CXCR4: variants seen among roughly 807,000 people sequenced by gnomAD.
CXCR4 encodes C-X-C motif chemokine receptor 4.
Under a neutral mutation model 22.4 loss-of-function variants are expected in CXCR4, and 6 were observed. The ratio of observed to expected loss-of-function variants is 0.27; its 90% CI spans 0.15 to 0.53. The LOEUF is 0.53. Ranked by LOEUF, CXCR4 falls within the 20% of genes least tolerant of loss-of-function variation. CXCR4 has a pLI of 0.96. For missense variants in CXCR4, 300 were observed against 430.4 expected (o/e 0.70, Z 2.68); for synonymous variants, 155 against 171.7 (o/e 0.90, Z 0.76).
In CXCR4 at chr2:136,115,342, C is replaced by T. The variant is rs748098105; in HGVS notation, c.586G>A (p.Val196Met). 1.2e-5 allele frequency: 19 copies of T among 1,614,162 alleles called. No individual in the cohort carries two copies. The highest frequency in any genetic ancestry group is 1.4e-5 in the Non-Finnish European group (17 of 1,180,040). The change falls in exon 2 of 2, where the codon GTG becomes ATG. Residue 196 changes from valine to methionine, a missense_variant. Val to Met is a conservative substitution (Grantham distance 21). Coordinates refer to ENST00000241393, the MANE Select transcript of CXCR4 (RefSeq NM_003467.3). The surrounding 1 kb of genome is among the most constrained non-coding windows in gnomAD (Gnocchi z 6.4). ...CDRFYPNDLW[V>M]VVFQFQHIMV... ...ATGTGCTGAAACTGGAACACAACCA[C>T]CCACAAGTCATTGGGGTAGAAGCGG...
Position 136,114,835 on chromosome 2 carries a change from T to C in CXCR4, c.*34A>G. 1 of 1,548,972 alleles carries C rather than the reference T, an allele frequency of 6.5e-7. No homozygotes were observed. Among genetic ancestry groups the C allele is most frequent in the Non-Finnish European group, 8.8e-7 (1 of 1,140,042 alleles). On this transcript the variant is annotated 3_prime_UTR_variant, in exon 2 of 2. Coordinates refer to ENST00000241393, the MANE Select transcript of CXCR4 (RefSeq NM_003467.3). ...AAATGTGTAACTTAAAAAAAAGTTA[T>C]TTATCGTATAAAAAAAAGTCTTTTA...
chr2:136,118,113 G>T lies in CXCR4; in HGVS notation c.-53C>A, dbSNP rs898627847. 7.5e-6 allele frequency: 12 copies of T among 1,595,926 alleles called. No homozygotes were observed. The highest frequency in any genetic ancestry group is 6.7e-5 in the African/African-American group (5 of 74,504). Reference sequence around the variant, plus strand: ...GGCTACTGGAGCACTCAGGCCCTCGGCGTCACTTTGCTACCTGCTGCCGCA... The same window carrying T: ...GGCTACTGGAGCACTCAGGCCCTCGTCGTCACTTTGCTACCTGCTGCCGCA... On this transcript the variant is annotated 5_prime_UTR_variant, in exon 1 of 2. Coordinates refer to ENST00000241393, the MANE Select transcript of CXCR4 (RefSeq NM_003467.3).
chr2:136,116,299 G>C (rs906112228), intron 1 of CXCR4: 1 of 1,082,634 alleles, frequency 9.2e-7, no homozygotes, highest in Non-Finnish European at 1.2e-6. Flanking sequence ...CAGGCGGCGT[G>C]GGGGGTGGGG....
At position 136,115,206 on chromosome 2, in the gene CXCR4, G is replaced by C; in HGVS notation, c.722C>G (p.Thr241Arg). 6.2e-7 allele frequency: 1 copy of C among 1,614,090 alleles called. No homozygotes were observed. Among genetic ancestry groups the C allele is most frequent in the Non-Finnish European group, 8.5e-7 (1 of 1,180,012 alleles). Reference protein sequence around the residue: ...GHQKRKALKTTVILILAFFAC... With the variant: ...GHQKRKALKTRVILILAFFAC... ...GAAGAAAGCCAGGATGAGGATGACT[G>C]TGGTCTTGAGGGCCTTGCGCTTCTG... The change falls in exon 2 of 2, where the codon ACA (threonine) becomes AGA (arginine). Residue 241 changes from threonine to arginine, a missense_variant. Thr to Arg is a moderately conservative substitution (Grantham distance 71, BLOSUM62 -1). Around this residue, in one of 3 missense-constraint regions of CXCR4, gnomAD observed 137 missense variants for 153.2 expected, o/e 0.89. Coordinates refer to ENST00000241393, the MANE Select transcript of CXCR4 (RefSeq NM_003467.3). The surrounding 1 kb of genome is among the most constrained non-coding windows in gnomAD (Gnocchi z 6.4).
intron 1 of CXCR4, chr2:136,116,185 T>A: frequency 7.4e-7 from 1 of 1,358,830 alleles, no homozygotes; most frequent in Non-Finnish European, 9.6e-7. Context: ...ACGCTGAGGG[T>A]TTCAAAGTCA....
In CXCR4 at chr2:136,118,144, C is replaced by A; in HGVS notation, c.-84G>T. 1 of 1,426,296 alleles carries A rather than the reference C, an allele frequency of 7.0e-7. No homozygotes were observed. 88.4% of individuals were successfully genotyped at this position (1,426,296 alleles called of 1,614,324 possible). On this transcript the variant is annotated 5_prime_UTR_variant, in exon 1 of 2. Transcript: ENST00000241393. ...CTTTGCTACCTGCTGCCGCAGCCAA[C>A]AAACTGAAGTTTCTGGCCGCGGCCG...
rs561155814 is a variant in CXCR4, at chr2:136,115,971, T to TA, written c.16-60dup. ...CCAATTCAGCAAGCATTAACCCAGTTAAAAAAAATTTTTAAAGCAATTTAA... is the reference window on the plus strand; with the variant it reads ...CCAATTCAGCAAGCATTAACCCAGTTAAAAAAAAATTTTTAAAGCAATTTAA... On this transcript the variant is annotated intron_variant, in intron 1 of 1. Coordinates refer to ENST00000241393, the MANE Select transcript of CXCR4 (RefSeq NM_003467.3). This position sits in a 1 kb window ranked among gnomAD's most constrained non-coding sequence, Gnocchi z 6.4. 3 of 1,613,180 alleles carry TA rather than the reference T, an allele frequency of 1.9e-6. No homozygotes were observed. The highest frequency in any genetic ancestry group is 4.5e-5 in the East Asian group (2 of 44,882).
intron 1 of CXCR4, chr2:136,117,618 T>G (rs1684948493): frequency 6.0e-6 from 1 of 167,582 alleles, no homozygotes; most frequent in Admixed American, 6.4e-5. Flanking sequence ...CACGCCGCCC[T>G]CCGCCTCTAA....
intron 1 of CXCR4, among the ~76,000 whole-genome samples, chr2:136,117,122 T>G (rs17848385): frequency 0.053 from 8,096 of 152,278 alleles, 351 homozygotes; most frequent in Non-Finnish European, 0.079. Flanking sequence ...TTTCCCCACT[T>G]GCACCTGCCA....
In CXCR4 at chr2:136,115,810, A is replaced by C; in HGVS notation, c.118T>G (p.Phe40Val). ...ATGATGGAGTAGATGGTGGGCAGGA[A>C]GATTTTATTGAAATTAGCATTTTCT... Reference protein sequence around the residue: ...REENANFNKIFLPTIYSIIFL... With the variant: ...REENANFNKIVLPTIYSIIFL... The change falls in exon 2 of 2, where the codon TTC becomes GTC. Residue 40 changes from phenylalanine (F) to valine (V), a missense_variant. By Grantham distance (50) the Phe-to-Val change is conservative (BLOSUM62 -1). Coordinates refer to ENST00000241393, the MANE Select transcript of CXCR4 (RefSeq NM_003467.3). This position sits in a 1 kb window ranked among gnomAD's most constrained non-coding sequence, Gnocchi z 6.4. The C allele has an allele frequency of 6.2e-7, 1 of 1,614,198 alleles. No individual in the cohort carries two copies. Among genetic ancestry groups the C allele is most frequent in the Non-Finnish European group, 8.5e-7 (1 of 1,180,034 alleles).
At chr2:136,116,248 C>T (rs1410208616) in intron 1 of CXCR4, 6 of 1,205,954 alleles carry the variant, frequency 5.0e-6, no homozygotes, top group African/African-American at 1.6e-5. Context: ...AAAAAACCTT[C>T]CTTAGGAGGA....
rs1684859260 is a variant in CXCR4 at position 136,115,478 on chromosome 2, C to T, written c.450G>A (p.Leu150=). The T allele has an allele frequency of 1.9e-6, 3 of 1,614,230 alleles. No individual in the cohort carries two copies. The East Asian group carries it at 6.7e-5, about 36-fold the overall frequency. Residue 150 remains leucine, a synonymous_variant, in exon 2 of 2, where the codon CTG becomes CTA. Coordinates refer to ENST00000241393, the MANE Select transcript of CXCR4 (RefSeq NM_003467.3). This position sits in a 1 kb window ranked among gnomAD's most constrained non-coding sequence, Gnocchi z 6.4. ...CAACATAGACCACCTTTTCAGCCAA[C>T]AGCTTCCTTGGCCTCTGACTGTTGG... ...HATNSQRPRK[L]LAEKVVYVGV...
intron 1 of CXCR4, among the ~76,000 whole-genome samples, chr2:136,116,607 C>CGCTCCTCCG (rs977604646): frequency 6.6e-6 from 1 of 152,144 alleles, no homozygotes; most frequent in African/African-American, 2.4e-5. Flanking sequence ...CCCAAGCGGG[C>CGCTCCTCCG]GCTCCTCCGG....
Position 136,114,495 on chromosome 2 carries a change from C to T in CXCR4, c.*374G>A, listed in dbSNP as rs1430125097. ...TAAGTGCCATCTTCTACAGCAAAAT[C>T]ACGTCTTAAGAACAGGAAAAACGTT... On this transcript the variant is annotated 3_prime_UTR_variant, in exon 2 of 2. Coordinates refer to ENST00000241393, the MANE Select transcript of CXCR4 (RefSeq NM_003467.3). The T allele has an allele frequency of 4.0e-6, 1 of 247,298 alleles. No individual in the cohort carries two copies. Among genetic ancestry groups the T allele is most frequent in the Non-Finnish European group, 8.0e-6 (1 of 125,628 alleles). The allele number at this position is 247,298 out of a possible 1,614,324, so 15.3% of individuals were successfully genotyped here. A position where few individuals can be genotyped will look rare whatever the true frequency, so the allele number is the denominator to read the frequency against.
Position 136,115,219 on chromosome 2 carries a change from C to T in CXCR4, c.709G>A (p.Ala237Thr), listed in dbSNP as rs1281519417. 6.2e-7 allele frequency: 1 copy of T among 1,614,144 alleles called. No individual in the cohort carries two copies. The highest frequency in any genetic ancestry group is 1.7e-5 in the Admixed American group (1 of 60,022). Residue 237 changes from alanine to threonine, a missense_variant, in exon 2 of 2, where the codon GCC becomes ACC. By Grantham distance (58) the Ala-to-Thr change is moderately conservative. This residue lies in a region of CXCR4 where 137 missense variants were observed against 153.2 expected (regional missense o/e 0.89). Transcript: ENST00000241393. This position sits in a 1 kb window ranked among gnomAD's most constrained non-coding sequence, Gnocchi z 6.4. The part of the protein sequence containing the change: ...SHSKGHQKRK[A>T]LKTTVILILA... ...ATGAGGATGACTGTGGTCTTGAGGG[C>T]CTTGCGCTTCTGGTGGCCCTTGGAG...
chr2:136,116,715 C>T (rs1684904801), intron 1 of CXCR4, among the ~76,000 whole-genome samples: 1 of 152,182 alleles, frequency 6.6e-6, no homozygotes, highest in Non-Finnish European at 1.5e-5. Context: ...ACGGGGTCTG[C>T]ACCCGTGGTC....
chr2:136,117,745 C>A (rs915880322), intron 1 of CXCR4: 5 of 400,750 alleles, frequency 1.2e-5, no homozygotes, highest in African/African-American at 8.4e-5. Flanking sequence ...AATGTTCTTA[C>A]GTTTGCAAAC....
rs1459517553 is a variant in CXCR4, at chr2:136,115,120, T to A, written c.808A>T (p.Ile270Phe). 5.0e-6 allele frequency: 8 copies of A among 1,614,198 alleles called. No homozygotes were observed. Among genetic ancestry groups the A allele is most frequent in the Non-Finnish European group, 6.8e-6 (8 of 1,180,048 alleles). The change falls in exon 2 of 2, where the codon ATC (isoleucine) becomes TTC (phenylalanine). Residue 270 changes from isoleucine to phenylalanine, a missense_variant. Ile to Phe is a conservative substitution (Grantham distance 21). This residue lies in a region of CXCR4 where 137 missense variants were observed against 153.2 expected (regional missense o/e 0.89). Transcript: ENST00000241393. The surrounding 1 kb of genome is among the most constrained non-coding windows in gnomAD (Gnocchi z 6.4). ...SIDSFILLEI[I>F]KQGCEFENTV... Reference sequence around the variant, plus strand: ...TTCTCAAACTCACACCCTTGCTTGATGATTTCCAGGAGGATGAAGGAGTCG... The same window carrying A: ...TTCTCAAACTCACACCCTTGCTTGAAGATTTCCAGGAGGATGAAGGAGTCG...
chr2:136,118,137 C>G lies in CXCR4; in HGVS notation c.-77G>C. Reference sequence around the variant, plus strand: ...GGCGTCACTTTGCTACCTGCTGCCGCAGCCAACAAACTGAAGTTTCTGGCC... The same window carrying G: ...GGCGTCACTTTGCTACCTGCTGCCGGAGCCAACAAACTGAAGTTTCTGGCC... On this transcript the variant is annotated 5_prime_UTR_variant, in exon 1 of 2. Coordinates refer to ENST00000241393, the MANE Select transcript of CXCR4 (RefSeq NM_003467.3). 2.7e-6 allele frequency: 4 copies of G among 1,493,352 alleles called. No homozygotes were observed. The highest frequency in any genetic ancestry group is 3.7e-6 in the Non-Finnish European group (4 of 1,075,628). The allele number at this position is 1,493,352 out of a possible 1,614,324, so 92.5% of individuals were successfully genotyped here. A position where few individuals can be genotyped will look rare whatever the true frequency, so the allele number is the denominator to read the frequency against.
Sources: allele counts gnomAD v4.1 joint callset (sites outside exome capture counted in the v4.1 genomes callset), GRCh38; gene constraint gnomAD v4.1.1; regional missense constraint gnomAD v4.1.1; non-coding constraint Gnocchi (gnomAD v3.1); transcripts MANE v1.5; gene names NCBI Gene and HGNC (gene_info 2026-07-23, HGNC 2026-07-21).